Variants in FAM117B observed in about 807,000 individuals in gnomAD.
The protein encoded by FAM117B is family with sequence similarity 117 member B, also known as protein FAM117B.
FAM117B carries 22 observed loss-of-function variants against 52.8 expected under a neutral mutation model. The ratio of observed to expected loss-of-function variants is 0.42; its 90% confidence interval spans 0.30 to 0.59. The LOEUF (loss-of-function observed/expected upper bound fraction) is 0.59. Among genes scored for constraint, FAM117B ranks in the 20% least tolerant of loss-of-function variants. The pLI is 0.22. For synonymous variants in FAM117B, 309 were observed against 324.1 expected (o/e 0.95, Z 0.50); for missense variants, 678 against 802.6 (o/e 0.84, Z 1.88).
chr2:202,713,984 GGTGTGAGCCACT>G (rs1690998168), intron 2 of FAM117B, among the ~76,000 whole-genome samples: 1 of 152,196 alleles, frequency 6.6e-6, no homozygotes, highest in African/African-American at 2.4e-5. Flanking sequence ...TAGGATTACA[GGTGTGAGCCACT>G]GCGCCTGGCC....
intron 2 of FAM117B, among the ~76,000 whole-genome samples, chr2:202,715,696 C>T (rs1405922328): frequency 6.6e-6 from 1 of 152,216 alleles, no homozygotes; most frequent in Admixed American, 6.5e-5. Flanking sequence ...CGGGCAGAGG[C>T]TGCAATCTCG....
intron 4 of FAM117B, among the ~76,000 whole-genome samples, chr2:202,734,889 G>A (rs1209209974): frequency 6.6e-6 from 1 of 152,044 alleles, no homozygotes; most frequent in Non-Finnish European, 1.5e-5. Flanking sequence ...AATTTTAGAA[G>A]CTAAGAAAAG....
intron 1 of FAM117B, among the ~76,000 whole-genome samples, chr2:202,640,298 ATATATATAT>A (rs1689750456): frequency 5.6e-5 from 1 of 17,892 alleles, no homozygotes; most frequent in East Asian, 1.6e-3. Flanking sequence ...ACCACAAAAT[ATATATATAT>A]ATATATATAT....
intron 2 of FAM117B, among the ~76,000 whole-genome samples, chr2:202,724,048 T>G (rs891667237): frequency 1.6e-5 from 2 of 125,450 alleles, no homozygotes; most frequent in African/African-American, 5.9e-5. Context: ...ACTTAAGGTT[T>G]AACTTTTTTT....
At chr2:202,728,815 A>G (rs575243732) in intron 4 of FAM117B, among the ~76,000 whole-genome samples, 6 of 152,196 alleles carry the variant, frequency 3.9e-5, no homozygotes, top group Non-Finnish European at 8.8e-5. Flanking sequence ...AATAAAGATT[A>G]TTGGAATTTA....
At position 202,732,046 on chromosome 2, in the gene FAM117B, CT is replaced by C. The variant is rs758181285; in HGVS notation, c.960+5699del. The stretch of plus-strand genomic sequence containing the variant: ...CACTGCACCCAGCCTATTTATTTTT[CT>C]TTTTTTTTTTTTTTTGTATTTATAG... On this transcript the variant is annotated intron_variant, in intron 4 of 7. Coordinates refer to ENST00000392238, the MANE Select transcript of FAM117B (RefSeq NM_173511.4). 3.5e-3 allele frequency among the ~76,000 whole-genome samples: 479 copies of C among 134,932 alleles called. 2 individuals are homozygous for C. The highest frequency in any genetic ancestry group is 7.5e-3 in the African/African-American group (278 of 36,972). 88.5% of individuals were successfully genotyped at this position (134,932 alleles called of 152,430 possible).
At chr2:202,703,799 G>T (rs537777599) in intron 2 of FAM117B, among the ~76,000 whole-genome samples, 1 of 152,312 alleles carries the variant, frequency 6.6e-6, no homozygotes, top group East Asian at 1.9e-4. Flanking sequence ...GTATCTGTGT[G>T]AATCCCTGCT....
In FAM117B at chr2:202,757,215, G is replaced by A. The variant is rs756174918; in HGVS notation, c.1107G>A (p.Pro369=). 14 of 1,613,408 alleles carry A rather than the reference G, an allele frequency of 8.7e-6. No homozygotes were observed. In the East Asian group the frequency reaches 1.8e-4, roughly 21 times the overall value. Residue 369 remains proline, a splice_region_variant and synonymous_variant, in exon 6 of 8, where the codon CCG becomes CCA. Transcript: ENST00000392238. The part of the protein sequence containing the change: ...ETGEKEEQLI[P]QDIPDGHRAP... Reference sequence around the variant, plus strand: ...ATGTTTTTACAATTTTGTAACAGCCGCAAGATATTCCAGATGGCCATCGTG... The same window carrying A: ...ATGTTTTTACAATTTTGTAACAGCCACAAGATATTCCAGATGGCCATCGTG...
At chr2:202,666,099 A>C (rs931213465) in intron 1 of FAM117B, among the ~76,000 whole-genome samples, 9 of 152,338 alleles carry the variant, frequency 5.9e-5, no homozygotes, top group African/African-American at 2.2e-4. Flanking sequence ...TCATTCTGCA[A>C]TTTGTGTCTG....
intron 1 of FAM117B, among the ~76,000 whole-genome samples, chr2:202,637,243 ATTTATT>A (rs1689701917): frequency 6.7e-6 from 1 of 149,690 alleles, no homozygotes; most frequent in Admixed American, 6.7e-5. Context: ...TTATTTATGT[ATTTATT>A]TTTATTTATA....
chr2:202,765,637 AGCCTATTGCTGTG>A lies in FAM117B; in HGVS notation c.1648_1660del (p.Ile550ProfsTer58), dbSNP rs1370390992. ...ACTGGCATGACAACCACTCTGCTGC[AGCCTATTGCTGTG>A]GCCTCCCTGTCTACAAACACAGAGC... On this transcript the variant is annotated frameshift_variant, in exon 8 of 8. Transcript: ENST00000392238. LOFTEE classifies it high-confidence loss of function. 1 of 1,614,186 alleles carries A rather than the reference AGCCTATTGCTGTG, an allele frequency of 6.2e-7. No individual in the cohort carries two copies. Among genetic ancestry groups the A allele is most frequent in the Non-Finnish European group, 8.5e-7 (1 of 1,180,042 alleles).
chr2:202,660,834 C>T (rs986155352), intron 1 of FAM117B, among the ~76,000 whole-genome samples: 1 of 152,202 alleles, frequency 6.6e-6, no homozygotes, highest in African/African-American at 2.4e-5. Flanking sequence ...GAAGGATTCT[C>T]TCAGTTTTAG....
chr2:202,635,568 C>T lies in FAM117B; in HGVS notation c.381C>T (p.Arg127=), dbSNP rs1405627101. 4.9e-6 allele frequency: 6 copies of T among 1,225,692 alleles called. No individual in the cohort carries two copies. The highest frequency in any genetic ancestry group is 3.5e-5 in the East Asian group (1 of 28,630). The allele number at this position is 1,225,692 out of a possible 1,614,324, so 75.9% of individuals were successfully genotyped here. Reference sequence around the variant, plus strand: ...CCACGCGAGGCACCAGCCCCACGCGCAGCGCCGCGCCTGGAGCTCGCGGGA... The same window carrying T: ...CCACGCGAGGCACCAGCCCCACGCGTAGCGCCGCGCCTGGAGCTCGCGGGA... The part of the protein sequence containing the change: ...ATSTRGTSPT[R]SAAPGARGSP... Residue 127 remains arginine (R), a synonymous_variant, in exon 1 of 8, where the codon CGC becomes CGT. Coordinates refer to ENST00000392238, the MANE Select transcript of FAM117B (RefSeq NM_173511.4).
rs1192386880 is a variant in FAM117B, at chr2:202,769,622, T to C, written c.*3858T>C. 6.6e-6 allele frequency: 1 copy of C among 152,638 alleles called. No homozygotes were observed. The highest frequency in any genetic ancestry group is 1.5e-5 in the Non-Finnish European group (1 of 68,036). 9.5% of individuals were successfully genotyped at this position (152,638 alleles called of 1,614,324 possible). A position where few individuals can be genotyped will look rare whatever the true frequency, so the allele number is the denominator to read the frequency against. On this transcript the variant is annotated 3_prime_UTR_variant, in exon 8 of 8. Transcript: ENST00000392238. ...TAAAACATTTTGTTATTCTAACAAT[T>C]CTCTCAAAAAACAGCATTTCCAATG...
At chr2:202,745,431 A>G (rs1691617119) in intron 4 of FAM117B, among the ~76,000 whole-genome samples, 3 of 152,366 alleles carry the variant, frequency 2.0e-5, no homozygotes, top group Middle Eastern at 3.4e-3. Flanking sequence ...ACACACAGAC[A>G]TGTAAAATTC....
intron 7 of FAM117B, among the ~76,000 whole-genome samples, 165 bp from the exon 8 acceptor site, chr2:202,765,281 C>A (rs920113432): frequency 6.6e-6 from 1 of 151,464 alleles, no homozygotes; most frequent in African/African-American, 2.4e-5. Context: ...CACTTTGGTC[C>A]TTTATGTTTG....
chr2:202,745,279 CAAAA>C (rs199723740), intron 4 of FAM117B, among the ~76,000 whole-genome samples: 1 of 115,568 alleles, frequency 8.7e-6, no homozygotes. Context: ...GACTCTGTGT[CAAAA>C]AAAAAAAAAA....
intron 2 of FAM117B, among the ~76,000 whole-genome samples, chr2:202,702,201 A>G (rs1249432478): frequency 6.6e-6 from 1 of 152,044 alleles, no homozygotes; most frequent in African/African-American, 2.4e-5. Flanking sequence ...GACCAGCCGG[A>G]CCAACATAGT....
rs1465467622 is a variant in FAM117B at position 202,635,687 on chromosome 2, C to T, written c.500C>T (p.Ala167Val). The change falls in exon 1 of 8, where the codon GCG (alanine) becomes GTG (valine). Residue 167 changes from alanine (A) to valine (V), a missense_variant. Physicochemically the swap from Ala to Val is moderately conservative, Grantham distance 64 (BLOSUM62 0). Transcript: ENST00000392238. The part of the protein sequence containing the change: ...PTHLWTGEVS[A>V]APPPARVRHR... ...CACCTGTGGACCGGCGAGGTGAGCG[C>T]GGCCCCACCCCCAGCCCGCGTCCGG... 4.3e-6 allele frequency: 6 copies of T among 1,410,788 alleles called. No individual in the cohort carries two copies. In the South Asian group the frequency reaches 8.7e-5, roughly 20 times the overall value. The allele number at this position is 1,410,788 out of a possible 1,614,324, so 87.4% of individuals were successfully genotyped here.
Sources: gnomAD v4.1 joint callset for allele counts (sites outside exome capture counted in the v4.1 genomes callset) on GRCh38, gnomAD v4.1.1 for gene constraint, MANE v1.5 for transcripts, NCBI Gene and HGNC (gene_info 2026-07-23, HGNC 2026-07-21) for gene names.